WDR44: variants seen among roughly 807,000 people sequenced by gnomAD.
The protein encoded by WDR44 is WD repeat domain 44.
In WDR44, 9 loss-of-function variants were observed where a neutral mutation model predicts 65.7. The ratio of observed to expected loss-of-function variants is 0.14; its 90% CI spans 0.08 to 0.24. The LOEUF is 0.24. WDR44 is among the 10% of genes least tolerant of loss of function. WDR44 has a pLI of 1.00. For missense variants in WDR44, 425 were observed against 670.9 expected (o/e 0.63, Z 4.05); for synonymous variants, 220 against 235.2 (o/e 0.94, Z 0.59).
intron 4 of WDR44, 64 bp from the exon 5 acceptor site, chrX:118,393,991 C>A: frequency 3.8e-6 from 4 of 1,042,211 alleles, no homozygotes; most frequent in Non-Finnish European, 5.2e-6. Flanking sequence ...ACTTTCCTCA[C>A]AGGGTTGTTA....
At chrX:118,425,870 A>G (rs1305923823) in intron 12 of WDR44, among the ~76,000 whole-genome samples, 1 of 110,727 alleles carries the variant, frequency 9.0e-6, no homozygotes, top group East Asian at 2.9e-4. Context: ...GTCAGGAGTT[A>G]GAGACCTGCC....
intron 8 of WDR44, among the ~76,000 whole-genome samples, chrX:118,400,294 A>G (rs962826652): frequency 9.0e-6 from 1 of 111,129 alleles, no homozygotes; most frequent in Non-Finnish European, 1.9e-5. Flanking sequence ...TGAGTGGGGA[A>G]CCAATAGTAT....
At chrX:118,395,679 A>C (rs1485696643) in intron 6 of WDR44, among the ~76,000 whole-genome samples, 2 of 111,784 alleles carry the variant, frequency 1.8e-5, no homozygotes, top group African/African-American at 3.3e-5. Context: ...TAGTGGAATA[A>C]ATATATTGAA....
intron 12 of WDR44, among the ~76,000 whole-genome samples, chrX:118,416,444 A>C (rs2057057911): frequency 8.9e-6 from 1 of 112,019 alleles, no homozygotes; most frequent in Non-Finnish European, 1.9e-5. Context: ...TTTTTGACCG[A>C]GTGCTCATTC....
At position 118,353,509 on chromosome X, in the gene WDR44, A is replaced by G. The variant is rs372818632; in HGVS notation, c.77+6929A>G. On this transcript the variant is annotated intron_variant, in intron 1 of 19. Transcript: ENST00000254029. ...ACTGTCTGGCAGTTCACAGTTTGGC[A>G]TTCCATCAGAGTCAGTTGTTTTTTA... is the stretch of plus-strand genomic sequence containing the variant. Among the ~76,000 whole-genome samples the G allele has an allele frequency of 1.1e-4, 12 of 112,401 alleles. No individual in the cohort carries two copies. In the East Asian group the frequency reaches 2.8e-3, roughly 26 times the overall value.
At chrX:118,438,329 C>T (rs1195417469) in intron 14 of WDR44, among the ~76,000 whole-genome samples, 1 of 112,499 alleles carries the variant, frequency 8.9e-6, no homozygotes, top group Admixed American at 9.4e-5. Context: ...AAAATCTTTC[C>T]ATCCATAAAT....
chrX:118,433,004 C>A (rs2057225468), intron 13 of WDR44, 110 bp downstream of exon 13: 1 of 612,279 alleles, frequency 1.6e-6, no homozygotes. Flanking sequence ...TGTCTTAAGG[C>A]CTTCAACTGA....
chrX:118,420,166 G>T (rs2057091918), intron 12 of WDR44, among the ~76,000 whole-genome samples: 2 of 110,813 alleles, frequency 1.8e-5, no homozygotes, highest in African/African-American at 3.3e-5. Context: ...TTCTGCCTCT[G>T]GTCTCTACCC....
At chrX:118,374,266 G>A (rs2056638664) in intron 1 of WDR44, among the ~76,000 whole-genome samples, 1 of 111,240 alleles carries the variant, frequency 9.0e-6, no homozygotes, top group Non-Finnish European at 1.9e-5. Context: ...TGCTTCTTAG[G>A]GTGAAATGAA....
intron 8 of WDR44, among the ~76,000 whole-genome samples, chrX:118,400,425 A>G (rs2056901588): frequency 8.9e-6 from 1 of 111,949 alleles, no homozygotes; most frequent in South Asian, 3.7e-4. Context: ...AGAAGGCATA[A>G]AAGTAGATAC....
rs6603401 is a variant in WDR44 at position 118,394,179 on chromosome X, C to T, written c.951C>T (p.Thr317=). ...ASATSGDKIV[T]AQENGKAPDG... is the part of the protein sequence containing the mutation. Reference sequence around the variant, plus strand: ...CTACCAGTGGAGATAAAATAGTTACCGCCCAGGTTGGTGAATTAGTGTTCT... The same window carrying T: ...CTACCAGTGGAGATAAAATAGTTACTGCCCAGGTTGGTGAATTAGTGTTCT... Residue 317 remains threonine (T), a synonymous_variant, in exon 5 of 20, where the codon ACC becomes ACT. Transcript: ENST00000254029. The T allele has an allele frequency of 0.27, 329,434 of 1,207,305 alleles. 44,148 individuals are homozygous for T. Among genetic ancestry groups the T allele is most frequent in the African/African-American group, 0.87 (49,435 of 56,810 alleles).
intron 14 of WDR44, among the ~76,000 whole-genome samples, chrX:118,438,857 C>T (rs1361351791): frequency 1.1e-5 from 1 of 92,731 alleles, no homozygotes; most frequent in Admixed American, 1.3e-4. Context: ...GGCACAATCT[C>T]GGCTCACTGC....
intron 7 of WDR44, among the ~76,000 whole-genome samples, chrX:118,397,684 A>G (rs1173228399): frequency 2.7e-5 from 3 of 111,812 alleles, no homozygotes; most frequent in African/African-American, 9.7e-5. Flanking sequence ...ATGTGGATCT[A>G]TTGAATCATT....
intron 12 of WDR44, among the ~76,000 whole-genome samples, chrX:118,426,698 C>A: frequency 9.2e-6 from 1 of 108,419 alleles, no homozygotes; most frequent in Non-Finnish European, 1.9e-5. Flanking sequence ...AGAACAAGAC[C>A]CTATCTCAAA....
chrX:118,407,873 C>T (rs1326085070), intron 10 of WDR44, among the ~76,000 whole-genome samples: 2 of 111,854 alleles, frequency 1.8e-5, no homozygotes, highest in Admixed American at 9.5e-5. Flanking sequence ...AATACTGTGC[C>T]CTTGATCAGG....
chrX:118,377,709 A>C (rs1028816249), intron 1 of WDR44, among the ~76,000 whole-genome samples: 1 of 95,504 alleles, frequency 1.0e-5, no homozygotes. Flanking sequence ...AATCACTTTA[A>C]TTTTCTTCTC....
In WDR44 at chrX:118,393,257, C is replaced by G; in HGVS notation, c.812C>G (p.Thr271Ser). 8.4e-7 allele frequency: 1 copy of G among 1,191,792 alleles called. No individual in the cohort carries two copies. Among genetic ancestry groups the G allele is most frequent in the Non-Finnish European group, 1.1e-6 (1 of 889,448 alleles). The change falls in exon 4 of 20, where the codon ACT (threonine) becomes AGT (serine). Residue 271 changes from threonine (T) to serine (S), a missense_variant. By Grantham distance (58) the Thr-to-Ser change is moderately conservative. Around this residue, in one of 5 missense-constraint regions of WDR44, gnomAD observed 193 missense variants for 209.0 expected, o/e 0.92. Transcript: ENST00000254029. ...GAATTGGAATTTGAGACTCTGAAAA[C>G]TCCTGATATAGATGGCAAGTATTAA... ...KSELEFETLK[T>S]PDIDVPKENI... is the part of the protein sequence containing the mutation.
intron 2 of WDR44, among the ~76,000 whole-genome samples, chrX:118,381,460 C>T (rs747361622): frequency 2.8e-4 from 31 of 110,011 alleles, no homozygotes; most frequent in Admixed American, 2.4e-3. Flanking sequence ...TAGAGTGAGA[C>T]TCTGTCTCAA....
intron 1 of WDR44, among the ~76,000 whole-genome samples, chrX:118,367,235 A>G (rs1434077945): frequency 1.8e-5 from 2 of 112,063 alleles, no homozygotes; most frequent in African/African-American, 6.5e-5. Flanking sequence ...CCAATTTTGT[A>G]TATATTTGAA....
Sources: gnomAD v4.1 joint callset for allele counts (sites outside exome capture counted in the v4.1 genomes callset) on GRCh38, gnomAD v4.1.1 for gene constraint, gnomAD v4.1.1 regional missense constraint, MANE v1.5 for transcripts, NCBI Gene and HGNC (gene_info 2026-07-23, HGNC 2026-07-21) for gene names.